The following SPTLC3 variants were observed in gnomAD, a reference collection of about 807,000 sequenced individuals.
The protein encoded by SPTLC3 is serine palmitoyltransferase long chain base subunit 3.
Under a neutral mutation model 59.3 loss-of-function variants are expected in SPTLC3, and 36 were observed. The ratio of observed to expected loss-of-function variants is 0.61; its 90% CI spans 0.47 to 0.80. The LOEUF (loss-of-function observed/expected upper bound fraction) is 0.80, where lower values mean the gene tolerates loss of function less well. Ranked by LOEUF, SPTLC3 falls within the 30% of genes least tolerant of loss-of-function variation. The pLI, the probability that SPTLC3 is intolerant of heterozygous loss-of-function variation, is 0.00. For missense variants in SPTLC3, 625 were observed against 685.1 expected, an observed-to-expected ratio of 0.91 and a Z score of 0.98; for synonymous variants, 257 against 240.8, an observed-to-expected ratio of 1.07 and a Z score of -0.62.
At chr20:13,072,195 A>G (rs1189198777) in intron 2 of SPTLC3, 61 bp from the exon 3 acceptor site, 12 of 1,528,292 alleles carry the variant, frequency 7.9e-6, no homozygotes, top group East Asian at 2.3e-5. Context: ...CCCTGCTTCA[A>G]TTGTAAGTGA....
Position 13,074,138 on chromosome 20 carries a change from G to C in SPTLC3, c.459-211G>C. On this transcript the variant is annotated intron_variant, in intron 3 of 11. Transcript: ENST00000399002. Reference sequence around the variant, plus strand: ...CTAAAGTGCCCGGCACTGGCTGAGGGGGTCTGGATCCTCCGAGGGAAACCA... The same window carrying C: ...CTAAAGTGCCCGGCACTGGCTGAGGCGGTCTGGATCCTCCGAGGGAAACCA... 5.5e-6 allele frequency: 4 copies of C among 730,236 alleles called. No individual in the cohort carries two copies. In the South Asian group the frequency reaches 5.7e-5, roughly 10 times the overall value. The allele number at this position is 730,236 out of a possible 1,614,324, so 45.2% of individuals were successfully genotyped here.
rs181779053 is a variant in SPTLC3, at chr20:13,064,375, A to G, written c.304-7881A>G. On this transcript the variant is annotated intron_variant, in intron 2 of 11. Coordinates refer to ENST00000399002, the MANE Select transcript of SPTLC3 (RefSeq NM_018327.4). Reference sequence around the variant, plus strand: ...GCCCAGGCTGGAGTACAGTTGCACGATCTTGTCTCCTAGGTTGGAACGATT... The same window carrying G: ...GCCCAGGCTGGAGTACAGTTGCACGGTCTTGTCTCCTAGGTTGGAACGATT... Among the ~76,000 whole-genome samples, 656 of 148,338 alleles carry G rather than the reference A, an allele frequency of 4.4e-3. 3 individuals are homozygous for G. Among genetic ancestry groups the G allele is most frequent in the Admixed American group, 5.5e-3 (81 of 14,716 alleles).
intron 10 of SPTLC3, among the ~76,000 whole-genome samples, chr20:13,159,355 G>T (rs1019150135): frequency 1.3e-5 from 2 of 152,046 alleles, no homozygotes; most frequent in Non-Finnish European, 2.9e-5. Flanking sequence ...TATTATCCCT[G>T]TGCATCCCTG....
chr20:13,011,186 G>C (rs534810973), intron 1 of SPTLC3, among the ~76,000 whole-genome samples: 3 of 152,124 alleles, frequency 2.0e-5, no homozygotes, highest in Admixed American at 6.5e-5. Flanking sequence ...GGCAAACGAG[G>C]GCTTATTGTC....
At chr20:13,098,480 T>C (rs1466199172) in intron 6 of SPTLC3, among the ~76,000 whole-genome samples, 1 of 152,338 alleles carries the variant, frequency 6.6e-6, no homozygotes, top group East Asian at 1.9e-4. Flanking sequence ...ACGTTTCAAA[T>C]TATTTCCAAT....
intron 9 of SPTLC3, among the ~76,000 whole-genome samples, chr20:13,150,532 G>A (rs76066252): frequency 0.015 from 2,313 of 152,220 alleles, 25 homozygotes; most frequent in South Asian, 0.027. Flanking sequence ...CCAAAGTAAA[G>A]GTTTTCAATG....
At position 13,049,024 on chromosome 20, in the gene SPTLC3, C is replaced by T; in HGVS notation, c.197C>T (p.Thr66Ile). ...EEAPLHVMVF[T>I]YMGYGIGTLF... ...GCACCCCTTCATGTTATGGTTTTCA[C>T]TTACATGGGATATGGAATTGGAACC... The change falls in exon 2 of 12, where the codon ACT (threonine) becomes ATT (isoleucine). Residue 66 changes from threonine to isoleucine, a missense_variant. Physicochemically the swap from Thr to Ile is moderately conservative, Grantham distance 89. Coordinates refer to ENST00000399002, the MANE Select transcript of SPTLC3 (RefSeq NM_018327.4). The T allele has an allele frequency of 1.2e-6, 2 of 1,613,002 alleles. No individual in the cohort carries two copies. The highest frequency in any genetic ancestry group is 1.7e-6 in the Non-Finnish European group (2 of 1,179,618).
At chr20:13,091,722 G>A (rs1456372493) in intron 5 of SPTLC3, among the ~76,000 whole-genome samples, 1 of 152,136 alleles carries the variant, frequency 6.6e-6, no homozygotes, top group Non-Finnish European at 1.5e-5. Context: ...TGCAGCCCTA[G>A]ACATGGGTCA....
At chr20:13,153,928 C>G in intron 9 of SPTLC3, 75 bp from the exon 10 acceptor site, 1 of 1,572,466 alleles carries the variant, frequency 6.4e-7, no homozygotes, top group Non-Finnish European at 8.6e-7. Flanking sequence ...CTTAAAGATG[C>G]TTGCCAAGTT....
intron 9 of SPTLC3, among the ~76,000 whole-genome samples, chr20:13,141,055 T>TA (rs1268112932): frequency 2.6e-5 from 4 of 151,952 alleles, no homozygotes; most frequent in Admixed American, 1.3e-4. Flanking sequence ...TTGATAGGTT[T>TA]AAAAAAAACA....
chr20:13,029,043 G>C lies in SPTLC3; in HGVS notation c.117+19659G>C, dbSNP rs191160104. ...ACAAAACCAGAAACAAACTCCGAAG[G>C]AGCCCTTGACAGTAACACTATTTGT... On this transcript the variant is annotated intron_variant, in intron 1 of 11. Transcript: ENST00000399002. 6.5e-4 allele frequency among the ~76,000 whole-genome samples: 99 copies of C among 152,258 alleles called. 1 individual carries two copies. Among genetic ancestry groups the C allele is most frequent in the African/African-American group, 2.1e-3 (86 of 41,552 alleles).
At chr20:13,115,507 CA>C (rs112250630) in intron 7 of SPTLC3, among the ~76,000 whole-genome samples, 1 of 151,976 alleles carries the variant, frequency 6.6e-6, no homozygotes, top group Admixed American at 6.5e-5. Flanking sequence ...AGTTCCAGAA[CA>C]AAAAAATGGC....
At chr20:13,131,403 T>G (rs2038117671) in intron 9 of SPTLC3, among the ~76,000 whole-genome samples, 1 of 152,158 alleles carries the variant, frequency 6.6e-6, no homozygotes, top group African/African-American at 2.4e-5. Context: ...GTTCCTTCAT[T>G]GCAAATTAAA....
At chr20:13,066,740 C>T (rs1988225885) in intron 2 of SPTLC3, among the ~76,000 whole-genome samples, 1 of 151,946 alleles carries the variant, frequency 6.6e-6, no homozygotes, top group South Asian at 2.1e-4. Flanking sequence ...TTTCTCCCTT[C>T]TCTTCCTTCT....
At chr20:13,094,660 G>T (rs1193592760) in intron 6 of SPTLC3, among the ~76,000 whole-genome samples, 2 of 152,174 alleles carry the variant, frequency 1.3e-5, no homozygotes, top group African/African-American at 2.4e-5. Context: ...TCCCATGGGG[G>T]AGGAAAGAAA....
At chr20:13,065,676 CT>C (rs1988176144) in intron 2 of SPTLC3, among the ~76,000 whole-genome samples, 1 of 148,090 alleles carries the variant, frequency 6.8e-6, no homozygotes, top group Non-Finnish European at 1.5e-5. Flanking sequence ...TTCATATCTT[CT>C]TTTATTTTTA....
chr20:13,147,490 T>C (rs572614584), intron 9 of SPTLC3, among the ~76,000 whole-genome samples: 15 of 152,200 alleles, frequency 9.9e-5, no homozygotes, highest in South Asian at 4.2e-4. Context: ...GAAACTTTAC[T>C]CCAAGGTCTC....
In SPTLC3 at chr20:13,092,867, G is replaced by T. The variant is rs569204772; in HGVS notation, c.733-617G>T. On this transcript the variant is annotated intron_variant, in intron 5 of 11. Coordinates refer to ENST00000399002, the MANE Select transcript of SPTLC3 (RefSeq NM_018327.4). ...AAGTTTTACAATTTAGAAATGTTTA[G>T]TTTAAAAAGAAGAATACTTTTACAA... Among the ~76,000 whole-genome samples the T allele has an allele frequency of 1.3e-3, 197 of 152,200 alleles. 1 individual carries two copies. The highest frequency in any genetic ancestry group is 1.7e-3 in the Non-Finnish European group (118 of 68,002).
At chr20:13,091,028 A>T in intron 4 of SPTLC3, 55 bp from the exon 5 acceptor site, 1 of 1,600,504 alleles carries the variant, frequency 6.2e-7, no homozygotes, top group Non-Finnish European at 8.5e-7. Flanking sequence ...TTGAGTTTTC[A>T]ATCTTGGCCT....
Sources: gnomAD v4.1 joint callset for allele counts (sites outside exome capture counted in the v4.1 genomes callset) on GRCh38, gnomAD v4.1.1 for gene constraint, MANE v1.5 for transcripts, NCBI Gene and HGNC (gene_info 2026-07-23, HGNC 2026-07-21) for gene names.